PLOD2: variants seen among roughly 807,000 people sequenced by gnomAD.
PLOD2 encodes the protein procollagen-lysine,2-oxoglutarate 5-dioxygenase 2, also known as lysine hydroxylase 2.
Under a neutral mutation model 101.0 loss-of-function variants are expected in PLOD2, and 65 were observed. The ratio of observed to expected loss-of-function variants is 0.64; its 90% CI spans 0.53 to 0.79. The LOEUF is 0.79. Ranked by LOEUF, PLOD2 falls within the 30% of genes least tolerant of loss-of-function variation. The pLI, the probability that PLOD2 is intolerant of heterozygous loss-of-function variation, is 0.00. For synonymous variants in PLOD2, 314 were observed against 302.9 expected (o/e 1.04, Z -0.38); for missense variants, 909 against 914.6 (o/e 0.99, Z 0.08).
chr3:146,085,473 G>T, intron 10 of PLOD2, 200 bp from the exon 11 acceptor site: 3 of 546,188 alleles, frequency 5.5e-6, no homozygotes, highest in Admixed American at 3.6e-5. Flanking sequence ...ATATTCACAG[G>T]GAGCTCACCT....
In PLOD2 at chr3:146,104,331, G is replaced by T; in HGVS notation, c.627C>A (p.Asn209Lys). 1.3e-6 allele frequency: 2 copies of T among 1,535,206 alleles called. No homozygotes were observed. The highest frequency in any genetic ancestry group is 1.8e-6 in the Non-Finnish European group (2 of 1,108,320). ...TTTTGCATTTGTGATCCAATGTGATGTTAATAGCTTCCTAAAACATAAGAA... is the reference window on the plus strand; with the variant it reads ...TTTTGCATTTGTGATCCAATGTGATTTTAATAGCTTCCTAAAACATAAGAA... ...YIDPLKREAINITLDHKCKIF... is the reference protein window; with the variant it reads ...YIDPLKREAIKITLDHKCKIF... The change falls in exon 6 of 20, where the codon AAC (asparagine) becomes AAA (lysine). Residue 209 changes from asparagine (N) to lysine (K), a missense_variant. By Grantham distance (94) the Asn-to-Lys change is moderately conservative. Transcript: ENST00000282903.
chr3:146,119,793 T>C (rs1177825190), intron 3 of PLOD2, among the ~76,000 whole-genome samples: 2 of 152,228 alleles, frequency 1.3e-5, no homozygotes, highest in African/African-American at 4.8e-5. Flanking sequence ...TATGGCTGCA[T>C]AGTATTCCAT....
chr3:146,127,144 A>T (rs1471152325), intron 1 of PLOD2, among the ~76,000 whole-genome samples: 1 of 152,198 alleles, frequency 6.6e-6, no homozygotes, highest in Admixed American at 6.6e-5. Context: ...CAGCAATATG[A>T]GCTCAGCTGA....
In PLOD2 at chr3:146,071,372, TGTGGATATCATCA is replaced by T; in HGVS notation, c.1887_1899del (p.Asp630Ter). The T allele has an allele frequency of 6.2e-7, 1 of 1,612,106 alleles. No individual in the cohort carries two copies. The highest frequency in any genetic ancestry group is 8.5e-7 in the Non-Finnish European group (1 of 1,178,656). On this transcript the variant is annotated frameshift_variant, in exon 18 of 20. Coordinates refer to ENST00000282903, the MANE Select transcript of PLOD2 (RefSeq NM_182943.3). LOFTEE classifies it high-confidence loss of function. ...ACATTCTCCAGATCAACTTGCTTCA[TGTGGATATCATCA>T]GTTGGGACATTTTCATAACCACCAG...
Position 146,123,258 on chromosome 3 carries a change from T to C in PLOD2, c.201+880A>G, listed in dbSNP as rs772084389. 3.6e-6 allele frequency: 4 copies of C among 1,110,328 alleles called. No individual in the cohort carries two copies. The South Asian group carries it at 7.4e-5, about 21-fold the overall frequency. The allele number at this position is 1,110,328 out of a possible 1,614,324, so 68.8% of individuals were successfully genotyped here. A position where few individuals can be genotyped will look rare whatever the true frequency, so the allele number is the denominator to read the frequency against. Reference sequence around the variant, plus strand: ...AAAAAAAAGTTTTTTGCTTTTTGTGTTCCTACCTAGGTATCTCCTTGTTCT... The same window carrying C: ...AAAAAAAAGTTTTTTGCTTTTTGTGCTCCTACCTAGGTATCTCCTTGTTCT... On this transcript the variant is annotated intron_variant, in intron 2 of 19. Transcript: ENST00000282903.
At chr3:146,150,239 A>G (rs982142075) in intron 1 of PLOD2, among the ~76,000 whole-genome samples, 2 of 152,210 alleles carry the variant, frequency 1.3e-5, no homozygotes, top group African/African-American at 2.4e-5. Flanking sequence ...CCATGTTTTC[A>G]GTTCACTAAA....
rs572274878 is a variant in PLOD2 at position 146,159,914 on chromosome 3, G to T, written c.109+967C>A. Among the ~76,000 whole-genome samples the T allele has an allele frequency of 5.4e-4, 82 of 152,238 alleles. 1 individual carries two copies. The highest frequency in any genetic ancestry group is 5.2e-3 in the Admixed American group (80 of 15,304). The stretch of plus-strand genomic sequence containing the variant: ...GGATTAGCTGGACTGCAAACCAAAT[G>T]TCACTTTCTGAATGTAACTCTGAAA... On this transcript the variant is annotated intron_variant, in intron 1 of 19. Transcript: ENST00000282903.
At chr3:146,070,962 A>G in intron 19 of PLOD2, 80 bp downstream of exon 19, 1 of 1,511,510 alleles carries the variant, frequency 6.6e-7, no homozygotes, top group Non-Finnish European at 9.1e-7. Flanking sequence ...TTTAAAAAAG[A>G]AACTAAGGCC....
chr3:146,151,848 T>C (rs2032072798), intron 1 of PLOD2, among the ~76,000 whole-genome samples: 1 of 152,184 alleles, frequency 6.6e-6, no homozygotes, highest in Admixed American at 6.5e-5. Context: ...GACTAGCCAG[T>C]CAATAAATAC....
intron 11 of PLOD2, among the ~76,000 whole-genome samples, 175 bp from the exon 12 acceptor site, chr3:146,082,038 TTAAG>T (rs1260176479): frequency 4.6e-5 from 7 of 152,212 alleles, no homozygotes; most frequent in East Asian, 3.8e-4. Context: ...ACATCTTTTC[TTAAG>T]TAAGTATATT....
intron 12 of PLOD2, among the ~76,000 whole-genome samples, chr3:146,080,447 G>A (rs146682532): frequency 6.6e-6 from 1 of 152,002 alleles, no homozygotes; most frequent in African/African-American, 2.4e-5. Flanking sequence ...GGGAATTACT[G>A]TATACAACGT....
At chr3:146,143,474 C>T (rs1183674956) in intron 1 of PLOD2, among the ~76,000 whole-genome samples, 1 of 152,014 alleles carries the variant, frequency 6.6e-6, no homozygotes, top group Non-Finnish European at 1.5e-5. Context: ...TTACAGGATC[C>T]AGCCTCTCCT....
chr3:146,121,213 A>G lies in PLOD2; in HGVS notation c.237T>C (p.Asp79=), dbSNP rs745866933. The G allele has an allele frequency of 6.2e-7, 1 of 1,610,914 alleles. No individual in the cohort carries two copies. The highest frequency in any genetic ancestry group is 1.7e-5 in the Admixed American group (1 of 59,958). The change falls in exon 3 of 20, where the codon GAT becomes GAC. Residue 79 remains aspartate, a synonymous_variant. Coordinates refer to ENST00000282903, the MANE Select transcript of PLOD2 (RefSeq NM_182943.3). ...GGCCCCCTCCAATACTATTAATTCC[A>G]TCACCACCTCTCCATTCTTCTCCTT... ...LGQGEEWRGG[D]GINSIGGGQK...
At chr3:146,094,754 T>C (rs1414241711) in intron 7 of PLOD2, among the ~76,000 whole-genome samples, 3 of 152,126 alleles carry the variant, frequency 2.0e-5, no homozygotes, top group Non-Finnish European at 4.4e-5. Context: ...AAAGAGCCCG[T>C]ATAGCCAAGA....
chr3:146,099,560 CT>C (rs998391473), intron 7 of PLOD2, among the ~76,000 whole-genome samples: 9 of 149,140 alleles, frequency 6.0e-5, no homozygotes, highest in Non-Finnish European at 8.9e-5. Context: ...AATTTTTTTT[CT>C]TTTTTTTTTC....
At position 146,088,709 on chromosome 3, in the gene PLOD2, G is replaced by T; in HGVS notation, c.882C>A (p.Val294=). ...AAACACCTATTGATACGTTTGGATGGACCTTTGTTTTACACCAAACATAAA... is the reference window on the plus strand; with the variant it reads ...AAACACCTATTGATACGTTTGGATGTACCTTTGTTTTACACCAAACATAAA... ...FDTVDLSAVD[V]HPNVSIGVFI... Residue 294 remains valine, a splice_region_variant and synonymous_variant, in exon 9 of 20, where the codon GTC becomes GTA. Transcript: ENST00000282903. 1 of 1,604,772 alleles carries T rather than the reference G, an allele frequency of 6.2e-7. No individual in the cohort carries two copies. Among genetic ancestry groups the T allele is most frequent in the South Asian group, 1.1e-5 (1 of 90,556 alleles).
chr3:146,135,309 T>C (rs529760388), intron 1 of PLOD2, among the ~76,000 whole-genome samples: 7 of 152,314 alleles, frequency 4.6e-5, no homozygotes, highest in Non-Finnish European at 8.8e-5. Context: ...AAATTGAATC[T>C]GTATATTATG....
intron 7 of PLOD2, among the ~76,000 whole-genome samples, chr3:146,092,599 T>A (rs1487647849): frequency 6.6e-6 from 1 of 152,050 alleles, no homozygotes; most frequent in East Asian, 1.9e-4. Context: ...CTTTCAGATC[T>A]CTCTGAGTAT....
chr3:146,095,072 A>G (rs371907525), intron 7 of PLOD2, among the ~76,000 whole-genome samples: 9 of 152,344 alleles, frequency 5.9e-5, no homozygotes, highest in African/African-American at 1.9e-4. Flanking sequence ...AATCAACTCA[A>G]GATGGATTAA....
Sources: allele counts gnomAD v4.1 joint callset (sites outside exome capture counted in the v4.1 genomes callset), GRCh38; gene constraint gnomAD v4.1.1; transcripts MANE v1.5; gene names NCBI Gene and HGNC (gene_info 2026-07-23, HGNC 2026-07-21).